The following KCNH8 variants were observed in gnomAD, a reference collection of about 807,000 sequenced individuals.
The protein encoded by KCNH8 is voltage-gated delayed rectifier potassium channel KCNH8.
In KCNH8, 70 loss-of-function variants were observed where a neutral mutation model predicts 103.6. The observed-to-expected ratio is 0.68, with a 90% CI of 0.56 to 0.82. The LOEUF is 0.82. Ranked by LOEUF, KCNH8 falls within the 40% of genes least tolerant of loss-of-function variation. The pLI, the probability that KCNH8 is intolerant of heterozygous loss-of-function variation, is 0.00. For missense variants in KCNH8, 1,217 were observed against 1,329.9 expected (o/e 0.92, Z 1.32); for synonymous variants, 498 against 489.4 (o/e 1.02, Z -0.23).
chr3:19,191,320 C>T (rs1450364538), intron 1 of KCNH8, among the ~76,000 whole-genome samples: 1 of 151,796 alleles, frequency 6.6e-6, no homozygotes, highest in Non-Finnish European at 1.5e-5. Flanking sequence ...GTAAGCTTGT[C>T]AGCGTTGTAT....
At chr3:19,503,015 C>T (rs1335300478) in intron 11 of KCNH8, among the ~76,000 whole-genome samples, 6 of 151,642 alleles carry the variant, frequency 4.0e-5, no homozygotes, top group East Asian at 1.9e-4. Context: ...AGAAAATTTT[C>T]GCAACGTACT....
chr3:19,154,122 G>A (rs902677427), intron 1 of KCNH8, among the ~76,000 whole-genome samples: 6 of 152,208 alleles, frequency 3.9e-5, no homozygotes, highest in African/African-American at 1.4e-4. Context: ...GCACATTTGG[G>A]TGAGGGAGGA....
chr3:19,230,335 G>T (rs988255933), intron 1 of KCNH8, among the ~76,000 whole-genome samples: 1 of 152,180 alleles, frequency 6.6e-6, no homozygotes, highest in Non-Finnish European at 1.5e-5. Flanking sequence ...AAAAGTTGGA[G>T]AGATGACTTT....
chr3:19,447,263 A>G (rs1462389195), intron 8 of KCNH8, among the ~76,000 whole-genome samples: 2 of 151,944 alleles, frequency 1.3e-5, no homozygotes, highest in Non-Finnish European at 1.5e-5. Context: ...CCAGAATTTT[A>G]TTTTTTTAAC....
chr3:19,342,735 G>T, intron 4 of KCNH8, 21 bp downstream of exon 4: 1 of 1,588,498 alleles, frequency 6.3e-7, no homozygotes, highest in Non-Finnish European at 8.6e-7. Flanking sequence ...TGTGTGTACA[G>T]GATGAATGCT....
intron 11 of KCNH8, among the ~76,000 whole-genome samples, chr3:19,500,030 G>A (rs1485959228): frequency 6.6e-6 from 1 of 152,086 alleles, no homozygotes; most frequent in Non-Finnish European, 1.5e-5. Flanking sequence ...TCAGTGTGCT[G>A]TATTCAGGAA....
At chr3:19,447,482 C>T (rs1169101977) in intron 8 of KCNH8, among the ~76,000 whole-genome samples, 1 of 151,902 alleles carries the variant, frequency 6.6e-6, no homozygotes, top group East Asian at 1.9e-4. Flanking sequence ...ATTAGCAAAG[C>T]AAAGTTAAAA....
chr3:19,153,771 A>G (rs147918101), intron 1 of KCNH8, among the ~76,000 whole-genome samples: 7,127 of 151,384 alleles, frequency 0.047, 541 homozygotes, highest in African/African-American at 0.16. Flanking sequence ...GGCTGGGATT[A>G]CAGATGCCTG....
At chr3:19,252,126 C>T (rs145108772) in intron 1 of KCNH8, among the ~76,000 whole-genome samples, 11 of 152,218 alleles carry the variant, frequency 7.2e-5, no homozygotes, top group African/African-American at 2.4e-4. Flanking sequence ...AAGTCACCCA[C>T]CAACACATTT....
At position 19,450,276 on chromosome 3, in the gene KCNH8, T is replaced by A. The variant is rs1467095391; in HGVS notation, c.1546T>A (p.Ser516Thr). ...RMLEYFQTTWSVNNGIDSNEL... is the reference protein window; with the variant it reads ...RMLEYFQTTWTVNNGIDSNEL... ...GCTCGAATATTTTCAAACAACCTGG[T>A]CAGTCAACAATGGAATAGATTCAAA... The change falls in exon 9 of 16, where the codon TCA becomes ACA. Residue 516 changes from serine (S) to threonine (T), a missense_variant. Ser to Thr is a moderately conservative substitution (Grantham distance 58, BLOSUM62 1). Around this residue, in one of 3 missense-constraint regions of KCNH8, gnomAD observed 415 missense variants for 577.4 expected, o/e 0.72. Coordinates refer to ENST00000328405, the MANE Select transcript of KCNH8 (RefSeq NM_144633.3). The A allele has an allele frequency of 6.2e-7, 1 of 1,613,488 alleles. No individual in the cohort carries two copies. Among genetic ancestry groups the A allele is most frequent in the Admixed American group, 1.7e-5 (1 of 59,958 alleles).
At chr3:19,321,562 A>G (rs889558735) in intron 3 of KCNH8, among the ~76,000 whole-genome samples, 3 of 151,554 alleles carry the variant, frequency 2.0e-5, no homozygotes, top group African/African-American at 2.4e-5. Context: ...TATAATTTCT[A>G]TTTTCTTAAA....
In KCNH8 at chr3:19,456,942, A is replaced by G. The variant is rs185898198; in HGVS notation, c.2000A>G (p.His667Arg). ...CACAAATTCGTGGAAGACATTCAGCATGACCTCACATACAACCTCCGAGAA... is the reference window on the plus strand; with the variant it reads ...CACAAATTCGTGGAAGACATTCAGCGTGACCTCACATACAACCTCCGAGAA... ...YAHKFVEDIQ[H>R]DLTYNLREGH... The change falls in exon 11 of 16, where the codon CAT becomes CGT. Residue 667 changes from histidine to arginine, a missense_variant. Physicochemically the swap from His to Arg is conservative, Grantham distance 29. Around this residue, in one of 3 missense-constraint regions of KCNH8, gnomAD observed 415 missense variants for 577.4 expected, o/e 0.72. Transcript: ENST00000328405. 1.9e-5 allele frequency: 31 copies of G among 1,612,452 alleles called. No homozygotes were observed. The African/African-American group carries it at 3.9e-4, about 20-fold the overall frequency.
At chr3:19,429,162 CTTTTTTTTT>C (rs575154927) in intron 7 of KCNH8, among the ~76,000 whole-genome samples, 23 of 89,858 alleles carry the variant, frequency 2.6e-4, no homozygotes, top group African/African-American at 1.0e-3. Context: ...AGAATCCACT[CTTTTTTTTT>C]TTTTTTTTTT....
At chr3:19,195,755 G>A (rs1449193826) in intron 1 of KCNH8, among the ~76,000 whole-genome samples, 2 of 151,970 alleles carry the variant, frequency 1.3e-5, no homozygotes, top group African/African-American at 2.4e-5. Context: ...TAGAGCAAGT[G>A]ACTCAAGAAA....
intron 11 of KCNH8, among the ~76,000 whole-genome samples, chr3:19,466,703 G>A (rs751753217): frequency 2.3e-4 from 26 of 111,800 alleles, no homozygotes; most frequent in Non-Finnish European, 3.3e-4. Flanking sequence ...CGCTCTTGCC[G>A]CCCAGGCTGG....
intron 2 of KCNH8, among the ~76,000 whole-genome samples, chr3:19,262,376 T>C (rs1232745424): frequency 6.6e-6 from 1 of 152,042 alleles, no homozygotes; most frequent in African/African-American, 2.4e-5. Context: ...TTTTTACACT[T>C]AGTTATTCAA....
At chr3:19,508,926 TCTAACG>T (rs1490573614) in intron 11 of KCNH8, among the ~76,000 whole-genome samples, 1 of 152,212 alleles carries the variant, frequency 6.6e-6, no homozygotes, top group Non-Finnish European at 1.5e-5. Flanking sequence ...CTCTTATATC[TCTAACG>T]GTATCTGTGA....
At chr3:19,270,002 A>G (rs1272898107) in intron 2 of KCNH8, among the ~76,000 whole-genome samples, 1 of 152,150 alleles carries the variant, frequency 6.6e-6, no homozygotes, top group African/African-American at 2.4e-5. Flanking sequence ...AGTGCTTCTT[A>G]AATACTTTGG....
intron 15 of KCNH8, among the ~76,000 whole-genome samples, chr3:19,526,893 A>G (rs954147844): frequency 2.6e-5 from 4 of 152,008 alleles, no homozygotes; most frequent in Non-Finnish European, 4.4e-5. Flanking sequence ...ATGAATCAAC[A>G]AAGATTTGTA....
Sources: allele counts gnomAD v4.1 joint callset (sites outside exome capture counted in the v4.1 genomes callset), GRCh38; gene constraint gnomAD v4.1.1; regional missense constraint gnomAD v4.1.1; transcripts MANE v1.5; gene names NCBI Gene and HGNC (gene_info 2026-07-23, HGNC 2026-07-21).